The following KLF12 variants were observed in gnomAD, a reference collection of about 807,000 sequenced individuals.
KLF12 encodes Krueppel-like factor 12.
A neutral mutation model predicts 37.8 loss-of-function variants in KLF12; 9 were observed. The observed-to-expected ratio is 0.24, with a 90% CI of 0.14 to 0.42. The LOEUF is 0.42. KLF12 is among the 10% of genes least tolerant of loss of function. KLF12 has a pLI of 1.00. For missense variants in KLF12, 411 were observed against 516.0 expected (o/e 0.80, Z 1.97); for synonymous variants, 208 against 202.1 (o/e 1.03, Z -0.25).
intron 1 of KLF12, among the ~76,000 whole-genome samples, chr13:74,124,316 T>G (rs1479949608): frequency 6.6e-6 from 1 of 152,212 alleles, no homozygotes; most frequent in Non-Finnish European, 1.5e-5. Context: ...AAATATCCCT[T>G]CAAGCAACAC....
chr13:74,158,190 C>T, the KLF12 span, among the ~76,000 whole-genome samples: 1 of 152,086 alleles, frequency 6.6e-6, no homozygotes, highest in East Asian at 1.9e-4. Context: ...CATAGGTCCG[C>T]GTGAGGGCAG....
intron 7 of KLF12, among the ~76,000 whole-genome samples, chr13:73,696,106 G>A (rs566439171): frequency 6.8e-6 from 1 of 146,606 alleles, no homozygotes; most frequent in East Asian, 2.0e-4. Flanking sequence ...GCATCACTTA[G>A]ATGGCTTAAG....
intron 1 of KLF12, among the ~76,000 whole-genome samples, chr13:74,050,228 A>T (rs1482987859): frequency 2.0e-5 from 3 of 152,188 alleles, no homozygotes; most frequent in African/African-American, 7.2e-5. Context: ...TGTAATCTAG[A>T]GTGGAAGGAT....
intron 1 of KLF12, among the ~76,000 whole-genome samples, chr13:74,043,041 CAT>C (rs1893449540): frequency 6.6e-6 from 1 of 152,126 alleles, no homozygotes; most frequent in African/African-American, 2.4e-5. Flanking sequence ...AGATTCCACA[CAT>C]GATAAATAAG....
intron 1 of KLF12, among the ~76,000 whole-genome samples, chr13:74,107,505 T>A (rs1876719741): frequency 6.6e-6 from 1 of 152,250 alleles, no homozygotes; most frequent in Non-Finnish European, 1.5e-5. Flanking sequence ...TCATTGTATG[T>A]TGGACTTACT....
intron 1 of KLF12, among the ~76,000 whole-genome samples, chr13:74,044,486 T>TA (rs374087642): frequency 9.3e-5 from 14 of 150,770 alleles, no homozygotes; most frequent in Non-Finnish European, 1.8e-4. Flanking sequence ...GAAGTACAAT[T>TA]AAAAAAAAAT....
chr13:74,206,311 C>T, the KLF12 span, among the ~76,000 whole-genome samples: 2 of 152,144 alleles, frequency 1.3e-5, no homozygotes, highest in African/African-American at 2.4e-5. Context: ...TGGCTGTGTA[C>T]TACTCTGGTT....
At chr13:73,996,156 G>C (rs1327870875) in intron 1 of KLF12, among the ~76,000 whole-genome samples, 1 of 152,112 alleles carries the variant, frequency 6.6e-6, no homozygotes, top group Non-Finnish European at 1.5e-5. Context: ...AAATATATAT[G>C]TCTCTCTTGC....
chr13:74,169,807 G>A, the KLF12 span, among the ~76,000 whole-genome samples: 1 of 152,170 alleles, frequency 6.6e-6, no homozygotes, highest in Non-Finnish European at 1.5e-5. Context: ...CCATGAACAT[G>A]AAGATTGTCT....
rs143772500 is a variant in KLF12 at position 74,077,050 on chromosome 13, T to C, written c.-32+56689A>G. Among the ~76,000 whole-genome samples, 1,215 of 152,354 alleles carry C rather than the reference T, an allele frequency of 8.0e-3. 19 individuals are homozygous for C. Among genetic ancestry groups the C allele is most frequent in the African/African-American group, 0.027 (1,142 of 41,580 alleles). Reference sequence around the variant, plus strand: ...TTTTCCTTATCCAGTCTGTCACTGATGGACATTTAGGTTGATTCCATGTCT... The same window carrying C: ...TTTTCCTTATCCAGTCTGTCACTGACGGACATTTAGGTTGATTCCATGTCT... On this transcript the variant is annotated intron_variant, in intron 1 of 7. Transcript: ENST00000377669.
chr13:73,879,083 G>A (rs1886856175), intron 3 of KLF12, among the ~76,000 whole-genome samples: 3 of 152,094 alleles, frequency 2.0e-5, no homozygotes, highest in Admixed American at 2.0e-4. Flanking sequence ...CAGCCCACAA[G>A]AAAAATTCAA....
the KLF12 span, among the ~76,000 whole-genome samples, chr13:74,271,603 A>G: frequency 6.6e-6 from 1 of 152,166 alleles, no homozygotes; most frequent in South Asian, 2.1e-4. Flanking sequence ...TTCCTAAAAT[A>G]TATTTGTTTA....
the KLF12 span, among the ~76,000 whole-genome samples, chr13:74,200,404 A>G: frequency 6.6e-6 from 1 of 152,180 alleles, no homozygotes; most frequent in Non-Finnish European, 1.5e-5. Context: ...TGTGTTAAGC[A>G]AAGGAACAGA....
intron 1 of KLF12, among the ~76,000 whole-genome samples, chr13:74,006,027 C>T (rs893961454): frequency 6.6e-6 from 1 of 152,170 alleles, no homozygotes; most frequent in African/African-American, 2.4e-5. Context: ...GTCATCTCTC[C>T]TGCCTTAAAA....
chr13:74,185,112 A>G, the KLF12 span, among the ~76,000 whole-genome samples: 5 of 152,200 alleles, frequency 3.3e-5, no homozygotes, highest in African/African-American at 1.2e-4. Flanking sequence ...TACCTATTCT[A>G]GTCTTGGTCC....
chr13:74,048,840 A>T (rs1184469734), intron 1 of KLF12, among the ~76,000 whole-genome samples: 12 of 152,214 alleles, frequency 7.9e-5, no homozygotes. Flanking sequence ...GAGATAAGTC[A>T]ATAAGCACAA....
At chr13:73,851,434 T>G (rs898466638) in intron 3 of KLF12, among the ~76,000 whole-genome samples, 1 of 152,196 alleles carries the variant, frequency 6.6e-6, no homozygotes, top group Non-Finnish European at 1.5e-5. Flanking sequence ...TTGATACTTT[T>G]TTTTCCTCTA....
chr13:74,010,313 G>T (rs1892519269), intron 1 of KLF12, among the ~76,000 whole-genome samples: 1 of 152,258 alleles, frequency 6.6e-6, no homozygotes, highest in East Asian at 1.9e-4. Context: ...AAAAGTCCCA[G>T]GGGCCTCAGA....
At chr13:74,097,965 CAA>C (rs1379026708) in intron 1 of KLF12, among the ~76,000 whole-genome samples, 2 of 152,044 alleles carry the variant, frequency 1.3e-5, no homozygotes. Flanking sequence ...ATGTATCAAA[CAA>C]GAGAGACTAA....
Sources: allele counts gnomAD v4.1 joint callset (sites outside exome capture counted in the v4.1 genomes callset), GRCh38; gene constraint gnomAD v4.1.1; transcripts MANE v1.5; gene names NCBI Gene and HGNC (gene_info 2026-07-23, HGNC 2026-07-21).